Variants in CTR9 observed in about 807,000 individuals in gnomAD.
CTR9 encodes the protein RNA polymerase-associated protein CTR9 homolog.
In CTR9, 41 loss-of-function variants were observed where a neutral mutation model predicts 152.1. That is an observed-to-expected ratio of 0.27 (90% CI 0.21 to 0.35). CTR9 has a LOEUF of 0.35. Ranked by LOEUF, CTR9 falls within the 10% of genes least tolerant of loss-of-function variation. CTR9 has a pLI of 1.00. For missense variants in CTR9, 917 were observed against 1,424.4 expected, an observed-to-expected ratio of 0.64 and a Z score of 5.73; for synonymous variants, 476 against 496.2, an observed-to-expected ratio of 0.96 and a Z score of 0.54.
At position 10,752,751 on chromosome 11, in the gene CTR9, A is replaced by C; in HGVS notation, c.125A>C (p.His42Pro). Residue 42 changes from histidine to proline, a missense_variant, in exon 2 of 25, where the codon CAC becomes CCC. By Grantham distance (77) the His-to-Pro change is moderately conservative. Coordinates refer to ENST00000361367, the MANE Select transcript of CTR9 (RefSeq NM_014633.5). ...SILKQEHTQL[H>P]IWIALALEYY... Reference sequence around the variant, plus strand: ...CTGAAACAGGAACACACACAACTGCACATATGGATTGCTTTGGCGGTCAGT... The same window carrying C: ...CTGAAACAGGAACACACACAACTGCCCATATGGATTGCTTTGGCGGTCAGT... The C allele has an allele frequency of 6.2e-7, 1 of 1,613,738 alleles. No homozygotes were observed. Among genetic ancestry groups the C allele is most frequent in the Non-Finnish European group, 8.5e-7 (1 of 1,179,668 alleles).
chr11:10,776,699 G>A (rs149513219), intron 24 of CTR9, among the ~76,000 whole-genome samples: 5 of 152,110 alleles, frequency 3.3e-5, no homozygotes, highest in African/African-American at 7.2e-5. Flanking sequence ...TAGGCTGGGC[G>A]CAGTGGCTCA....
chr11:10,777,613 G>T (rs1863263666), intron 24 of CTR9, among the ~76,000 whole-genome samples: 1 of 152,112 alleles, frequency 6.6e-6, no homozygotes, highest in South Asian at 2.1e-4. Context: ...ATTGTGAGAG[G>T]CTGAGCTGCT....
intron 6 of CTR9, among the ~76,000 whole-genome samples, chr11:10,761,498 A>G (rs1399358636): frequency 6.6e-6 from 1 of 151,938 alleles, no homozygotes; most frequent in Non-Finnish European, 1.5e-5. Context: ...TAATCCCAAC[A>G]CTTTGGGAGA....
chr11:10,760,209 A>G lies in CTR9; in HGVS notation c.629A>G (p.Lys210Arg). Reference sequence around the variant, plus strand: ...TTAGGAATGGGTCATTGCTTTGTGAAACTTAACAAACTGGAAAAAGCTCGT... The same window carrying G: ...TTAGGAATGGGTCATTGCTTTGTGAGACTTAACAAACTGGAAAAAGCTCGT... ...VRLGMGHCFVKLNKLEKARLA... is the reference protein window; with the variant it reads ...VRLGMGHCFVRLNKLEKARLA... Residue 210 changes from lysine to arginine, a missense_variant, in exon 6 of 25, where the codon AAA becomes AGA. Around this residue, in one of 9 missense-constraint regions of CTR9, gnomAD observed 110 missense variants for 149.5 expected, o/e 0.74. Coordinates refer to ENST00000361367, the MANE Select transcript of CTR9 (RefSeq NM_014633.5). 6.2e-7 allele frequency: 1 copy of G among 1,614,078 alleles called. No individual in the cohort carries two copies. Among genetic ancestry groups the G allele is most frequent in the Non-Finnish European group, 8.5e-7 (1 of 1,179,948 alleles).
intron 15 of CTR9, 85 bp from the exon 16 acceptor site, chr11:10,768,258 T>G: frequency 6.4e-7 from 1 of 1,570,206 alleles, no homozygotes; most frequent in Non-Finnish European, 8.7e-7. Flanking sequence ...ATGTGATCAA[T>G]GTAGTTGTTT....
intron 6 of CTR9, among the ~76,000 whole-genome samples, chr11:10,760,588 G>T (rs1400677699): frequency 7.0e-6 from 1 of 142,610 alleles, no homozygotes; most frequent in African/African-American, 2.8e-5. Flanking sequence ...TTTGCTCCAA[G>T]ATTACCAAAA....
In CTR9 at chr11:10,773,884, CAAAAAAAAAA is replaced by C. The variant is rs11386264; in HGVS notation, c.2728-118_2728-109del. The C allele has an allele frequency of 1.2e-5, 5 of 402,948 alleles. No homozygotes were observed. In the African/African-American group the frequency reaches 1.3e-4, roughly 11 times the overall value. The allele number at this position is 402,948 out of a possible 1,614,324, so 25.0% of individuals were successfully genotyped here. On this transcript the variant is annotated intron_variant, in intron 21 of 24. Transcript: ENST00000361367. ...TGGGCAAAAGAGTGAGACTTCATCT[CAAAAAAAAAA>C]AAAAAAAAATCCTTCATTGTCAAAT...
chr11:10,756,760 A>G lies in CTR9; in HGVS notation c.514A>G (p.Ile172Val). The G allele has an allele frequency of 6.2e-7, 1 of 1,610,080 alleles. No homozygotes were observed. Among genetic ancestry groups the G allele is most frequent in the Non-Finnish European group, 8.5e-7 (1 of 1,177,922 alleles). ...NIPALLGKAC[I>V]SFNKKDYRGA... The stretch of plus-strand genomic sequence containing the variant: ...AAAAATCATTACAGGTAAAGCTTGC[A>G]TTTCCTTCAACAAGAAGGATTACAG... Residue 172 changes from isoleucine to valine, a missense_variant, in exon 5 of 25, where the codon ATT (isoleucine) becomes GTT (valine). Physicochemically the swap from Ile to Val is conservative, Grantham distance 29. This residue lies in a region of CTR9 where 110 missense variants were observed against 149.5 expected (regional missense o/e 0.74). Transcript: ENST00000361367.
intron 16 of CTR9, 102 bp downstream of exon 16, chr11:10,768,593 G>A: frequency 8.8e-7 from 1 of 1,138,226 alleles, no homozygotes; most frequent in Non-Finnish European, 1.2e-6. Flanking sequence ...GCTATCTCTT[G>A]TGATACTGTG....
chr11:10,768,418 A>G lies in CTR9; in HGVS notation c.2036A>G (p.Asp679Gly). 1 of 1,614,156 alleles carries G rather than the reference A, an allele frequency of 6.2e-7. No individual in the cohort carries two copies. Among genetic ancestry groups the G allele is most frequent in the Non-Finnish European group, 8.5e-7 (1 of 1,180,006 alleles). Residue 679 changes from aspartate (D) to glycine (G), a missense_variant, in exon 16 of 25, where the codon GAT (aspartate) becomes GGT (glycine). Asp to Gly is a moderately conservative substitution (Grantham distance 94). Coordinates refer to ENST00000361367, the MANE Select transcript of CTR9 (RefSeq NM_014633.5). The part of the protein sequence containing the change: ...VFAQVREATA[D>G]ISDVWLNLAH... Reference sequence around the variant, plus strand: ...GCCCAAGTAAGAGAAGCAACAGCAGATATTAGTGATGTGTGGCTGAACTTA... The same window carrying G: ...GCCCAAGTAAGAGAAGCAACAGCAGGTATTAGTGATGTGTGGCTGAACTTA...
chr11:10,763,980 T>C (rs1863018804), intron 9 of CTR9, 101 bp downstream of exon 9: 3 of 1,323,200 alleles, frequency 2.3e-6, no homozygotes, highest in Non-Finnish European at 3.2e-6. Flanking sequence ...ATAGAAACAG[T>C]TTTGTTAGCT....
Position 10,779,403 on chromosome 11 carries a change from T to A in CTR9, c.*298T>A. On this transcript the variant is annotated 3_prime_UTR_variant, in exon 25 of 25. Transcript: ENST00000361367. The stretch of plus-strand genomic sequence containing the variant: ...ATTCCTACAAAGGTTTGACTGAAAC[T>A]GTGGCAGATGTCTCATCTTCTTTAT... The A allele has an allele frequency of 3.6e-6, 1 of 279,276 alleles. No individual in the cohort carries two copies. Among genetic ancestry groups the A allele is most frequent in the Non-Finnish European group, 6.8e-6 (1 of 147,250 alleles). 17.3% of individuals were successfully genotyped at this position (279,276 alleles called of 1,614,324 possible).
intron 1 of CTR9, among the ~76,000 whole-genome samples, 155 bp downstream of exon 1, chr11:10,751,612 C>T (rs899546945): frequency 2.6e-5 from 4 of 152,178 alleles, no homozygotes; most frequent in Non-Finnish European, 5.9e-5. Flanking sequence ...TCTTCTTCAG[C>T]CCCTGTGCCC....
Position 10,766,475 on chromosome 11 carries a change from T to C in CTR9, c.1671T>C (p.Ala557=). 6.2e-7 allele frequency: 1 copy of C among 1,604,212 alleles called. No individual in the cohort carries two copies. Among genetic ancestry groups the C allele is most frequent in the South Asian group, 1.1e-5 (1 of 88,444 alleles). The change falls in exon 13 of 25, where the codon GCT becomes GCC. Residue 557 remains alanine, a synonymous_variant. Transcript: ENST00000361367. ...AGGCTTCAGATTGGTTTAAGGAAGCTCTTCAGATTAATCAGGTTGGTAATA... is the reference window on the plus strand; with the variant it reads ...AGGCTTCAGATTGGTTTAAGGAAGCCCTTCAGATTAATCAGGTTGGTAATA... ...FYEASDWFKE[A]LQINQDHPDA... is the part of the protein sequence containing the mutation.
intron 4 of CTR9, among the ~76,000 whole-genome samples, chr11:10,756,170 T>A (rs1862881244): frequency 6.6e-6 from 1 of 152,048 alleles, no homozygotes; most frequent in Non-Finnish European, 1.5e-5. Flanking sequence ...CAAAAAAGAG[T>A]AATTGGTTAT....
chr11:10,776,296 G>C (rs1385290297), intron 24 of CTR9, among the ~76,000 whole-genome samples: 1 of 152,262 alleles, frequency 6.6e-6, no homozygotes, highest in African/African-American at 2.4e-5. Context: ...TGTTGAGAGA[G>C]GCTATTTCTT....
At chr11:10,755,282 AAG>A in intron 3 of CTR9, 85 bp downstream of exon 3, 1 of 1,455,976 alleles carries the variant, frequency 6.9e-7, no homozygotes, top group Non-Finnish European at 9.2e-7. Flanking sequence ...GATTTTTTGA[AAG>A]AGTTTTTCTT....
chr11:10,768,303 A>T lies in CTR9; in HGVS notation c.1961-40A>T, dbSNP rs770783767. The T allele has an allele frequency of 3.8e-6, 6 of 1,588,768 alleles. No individual in the cohort carries two copies. The Admixed American group carries it at 9.2e-5, about 24-fold the overall frequency. ...ATTTTTAGTTGTTTTTCTGACTCCAATTAGAAAATTGTTAAGTGTGAACCT... is the reference window on the plus strand; with the variant it reads ...ATTTTTAGTTGTTTTTCTGACTCCATTTAGAAAATTGTTAAGTGTGAACCT... On this transcript the variant is annotated intron_variant, in intron 15 of 24. Transcript: ENST00000361367.
At chr11:10,772,034 A>G (rs1215316105) in intron 19 of CTR9, among the ~76,000 whole-genome samples, 1 of 152,044 alleles carries the variant, frequency 6.6e-6, no homozygotes, top group Non-Finnish European at 1.5e-5. Flanking sequence ...ATACATTGGT[A>G]TGGTATGGCA....
Sources: allele counts gnomAD v4.1 joint callset (sites outside exome capture counted in the v4.1 genomes callset), GRCh38; gene constraint gnomAD v4.1.1; regional missense constraint gnomAD v4.1.1; transcripts MANE v1.5; gene names NCBI Gene and HGNC (gene_info 2026-07-23, HGNC 2026-07-21).